The following DAB1 variants were observed in gnomAD, a reference collection of about 807,000 sequenced individuals.
DAB1 encodes the protein disabled homolog 1.
Under a neutral mutation model 64.6 loss-of-function variants are expected in DAB1, and 15 were observed. The ratio of observed to expected loss-of-function variants is 0.23; its 90% CI spans 0.16 to 0.36. The LOEUF is 0.36. Among genes scored for constraint, DAB1 ranks in the 10% least tolerant of loss-of-function variants. The pLI, the probability that DAB1 is intolerant of heterozygous loss-of-function variation, is 1.00. For synonymous variants in DAB1, 235 were observed against 251.9 expected, an observed-to-expected ratio of 0.93 and a Z score of 0.64; for missense variants, 596 against 706.7, an observed-to-expected ratio of 0.84 and a Z score of 1.78.
intron 9 of DAB1, among the ~76,000 whole-genome samples, chr1:57,050,268 C>T (rs1162841829): frequency 2.0e-5 from 3 of 152,164 alleles, no homozygotes; most frequent in Non-Finnish European, 2.9e-5. Context: ...TAATGGTCTC[C>T]TGACCTGCCA....
intron 5 of DAB1, among the ~76,000 whole-genome samples, chr1:57,940,772 A>G (rs1285588641): frequency 6.6e-6 from 1 of 152,180 alleles, no homozygotes; most frequent in Non-Finnish European, 1.5e-5. Flanking sequence ...GAATCCCTGC[A>G]ATGCCCAATT....
intron 1 of DAB1, among the ~76,000 whole-genome samples, chr1:57,858,687 GTC>G (rs930510808): frequency 2.6e-5 from 4 of 151,528 alleles, no homozygotes; most frequent in African/African-American, 9.7e-5. Flanking sequence ...ACAACTGACT[GTC>G]TGAATTCATT....
At chr1:58,436,796 A>C (rs1057501131) in intron 3 of DAB1, among the ~76,000 whole-genome samples, 2 of 152,240 alleles carry the variant, frequency 1.3e-5, no homozygotes, top group Non-Finnish European at 2.9e-5. Flanking sequence ...TAAATAAAGA[A>C]GTGCAGTGTC....
intron 3 of DAB1, among the ~76,000 whole-genome samples, chr1:58,471,083 A>C (rs1645352547): frequency 1.3e-5 from 2 of 152,202 alleles, no homozygotes; most frequent in African/African-American, 4.8e-5. Context: ...GAGAATACCC[A>C]ATTAATGGTG....
chr1:58,389,376 T>C (rs78245665), intron 3 of DAB1, among the ~76,000 whole-genome samples: 2 of 152,176 alleles, frequency 1.3e-5, no homozygotes, highest in Non-Finnish European at 2.9e-5. Context: ...AGATCCAAGC[T>C]GCAGTAAGCT....
intron 9 of DAB1, among the ~76,000 whole-genome samples, chr1:57,027,206 C>G (rs1383234157): frequency 6.6e-6 from 1 of 152,120 alleles, no homozygotes; most frequent in African/African-American, 2.4e-5. Context: ...ACACTCCATG[C>G]CTGGGGGTGT....
chr1:57,490,027 C>T (rs1644142428), intron 7 of DAB1, among the ~76,000 whole-genome samples: 1 of 152,144 alleles, frequency 6.6e-6, no homozygotes, highest in African/African-American at 2.4e-5. Flanking sequence ...AAGAAAGCTG[C>T]CTTGTCCGCT....
At chr1:57,883,513 C>T (rs548360771) in intron 1 of DAB1, among the ~76,000 whole-genome samples, 49 of 152,322 alleles carry the variant, frequency 3.2e-4, no homozygotes, top group East Asian at 3.1e-3. Context: ...TTGTTTAATA[C>T]GGTCAGACCC....
rs192305283 is a variant in DAB1, at chr1:57,779,583, T to C, written n.551+104416A>G. On this transcript the variant is annotated intron_variant and non_coding_transcript_variant, in intron 6 of 20. Transcript: ENST00000485760. ...TAACAGTGCTATAATTTCAAAGGCC[T>C]GTTTGTACAACGTAAATTGAATTTC... is the stretch of plus-strand genomic sequence containing the variant. 4.6e-4 allele frequency among the ~76,000 whole-genome samples: 70 copies of C among 152,342 alleles called. No homozygotes were observed. The Middle Eastern group carries it at 0.01, about 22-fold the overall frequency.
At chr1:57,632,584 A>C (rs1336685292) in intron 7 of DAB1, among the ~76,000 whole-genome samples, 1 of 152,182 alleles carries the variant, frequency 6.6e-6, no homozygotes, top group Non-Finnish European at 1.5e-5. Flanking sequence ...GCAGACACAG[A>C]CAGAGGAAGG....
chr1:57,839,195 G>A (rs982995269), intron 1 of DAB1, among the ~76,000 whole-genome samples: 7 of 152,066 alleles, frequency 4.6e-5, no homozygotes, highest in East Asian at 1.9e-4. Flanking sequence ...AAAATGAATC[G>A]GTTAAAAAAA....
At chr1:58,537,176 G>A (rs150677611) in intron 1 of DAB1, among the ~76,000 whole-genome samples, 42 of 151,678 alleles carry the variant, frequency 2.8e-4, no homozygotes, top group African/African-American at 9.4e-4. Flanking sequence ...GGCCACTGAG[G>A]TAATAAAAGG....
chr1:57,763,151 G>T (rs1287659920), intron 6 of DAB1, among the ~76,000 whole-genome samples: 1 of 152,166 alleles, frequency 6.6e-6, no homozygotes, highest in Admixed American at 6.6e-5. Context: ...TTCATTGTAT[G>T]GAACCCCAAA....
intron 4 of DAB1, among the ~76,000 whole-genome samples, chr1:58,258,495 G>A (rs1287068479): frequency 2.0e-5 from 3 of 152,174 alleles, no homozygotes; most frequent in African/African-American, 7.2e-5. Flanking sequence ...TGTGGCCTTG[G>A]ACTGGGCAGT....
In DAB1 at chr1:57,889,897, GGC is replaced by G. The variant is rs1491014587; in HGVS notation, n.388-5737_388-5736del. ...ATTCGCAGATGGTAGCACAAACTGGGGCGGGGGGGGGGGAGGGGGAAGAAATC... is the reference window on the plus strand; with the variant it reads ...ATTCGCAGATGGTAGCACAAACTGGGGGGGGGGGGGGAGGGGGAAGAAATC... On this transcript the variant is annotated intron_variant and non_coding_transcript_variant, in intron 5 of 20. Coordinates refer to the DAB1 transcript ENST00000485760. Among the ~76,000 whole-genome samples the G allele has an allele frequency of 2.4e-3, 290 of 123,362 alleles. 10 individuals are homozygous for G. In the South Asian group the frequency reaches 0.048, roughly 20 times the overall value. 80.9% of individuals were successfully genotyped at this position (123,362 alleles called of 152,430 possible). A position where few individuals can be genotyped will look rare whatever the true frequency, so the allele number is the denominator to read the frequency against.
chr1:57,709,503 T>C (rs2101742966), intron 6 of DAB1, among the ~76,000 whole-genome samples: 1 of 152,198 alleles, frequency 6.6e-6, no homozygotes, highest in South Asian at 2.1e-4. Context: ...TCTGGGGTAA[T>C]AACCGAGGCT....
Position 57,361,016 on chromosome 1 carries a change from C to T in DAB1, c.-137+62914G>A, listed in dbSNP as rs905706552. ...ATGTCCAGTCTAGTTAGGAGAGAGG[C>T]CCCCCTTTAACACACAATTAAAATG... On this transcript the variant is annotated intron_variant, in intron 1 of 14. Coordinates refer to ENST00000371236, the MANE Select transcript of DAB1 (RefSeq NM_001365792.1). 6.6e-5 allele frequency among the ~76,000 whole-genome samples: 10 copies of T among 152,012 alleles called. No homozygotes were observed. In the East Asian group the frequency reaches 7.7e-4, roughly 12 times the overall value.
At chr1:57,841,544 C>T (rs1382668052) in intron 1 of DAB1, among the ~76,000 whole-genome samples, 2 of 152,206 alleles carry the variant, frequency 1.3e-5, no homozygotes, top group African/African-American at 4.8e-5. Flanking sequence ...GCTCCTAAAG[C>T]TCAACTCTTG....
At chr1:57,989,719 G>T (rs1646301009) in intron 5 of DAB1, among the ~76,000 whole-genome samples, 1 of 152,132 alleles carries the variant, frequency 6.6e-6, no homozygotes, top group African/African-American at 2.4e-5. Flanking sequence ...GCTCAGAGAA[G>T]TAATTGCCAC....
Sources: allele counts gnomAD v4.1 joint callset (sites outside exome capture counted in the v4.1 genomes callset), GRCh38; gene constraint gnomAD v4.1.1; transcripts MANE v1.5; gene names NCBI Gene and HGNC (gene_info 2026-07-23, HGNC 2026-07-21).